HIVEP3: variants seen among roughly 807,000 people sequenced by gnomAD.
HIVEP3 encodes the protein transcription factor HIVEP3.
A neutral mutation model predicts 152.8 loss-of-function variants in HIVEP3; 49 were observed. That is an observed-to-expected ratio of 0.32 (90% CI 0.26 to 0.41). HIVEP3 has a LOEUF of 0.41. Among genes scored for constraint, HIVEP3 ranks in the 10% least tolerant of loss-of-function variants. The probability of loss-of-function intolerance (pLI) is 1.00; values close to 1 mark genes in which losing one functional copy is unlikely to be tolerated. For missense variants in HIVEP3, 2,790 were observed against 3,103.3 expected (o/e 0.90, Z 2.40); for synonymous variants, 1,269 against 1,289.0 (o/e 0.98, Z 0.33).
At chr1:41,772,799 A>G (rs1328357922) in intron 1 of HIVEP3, among the ~76,000 whole-genome samples, 1 of 152,132 alleles carries the variant, frequency 6.6e-6, no homozygotes, top group African/African-American at 2.4e-5. Context: ...AATCCCAGCT[A>G]CTCAGGAGGC....
At chr1:41,561,514 T>C (rs1216845933) in intron 5 of HIVEP3, among the ~76,000 whole-genome samples, 1 of 142,414 alleles carries the variant, frequency 7.0e-6, no homozygotes. Flanking sequence ...ACAATCCATA[T>C]GTCACTTTTT....
intron 2 of HIVEP3, among the ~76,000 whole-genome samples, chr1:41,669,649 A>G (rs771940449): frequency 6.6e-6 from 1 of 152,134 alleles, no homozygotes; most frequent in African/African-American, 2.4e-5. Flanking sequence ...AGAATGAAAC[A>G]TCGGCTCTTC....
chr1:41,738,148 C>T (rs970509740), intron 1 of HIVEP3, among the ~76,000 whole-genome samples: 1 of 152,198 alleles, frequency 6.6e-6, no homozygotes, highest in Admixed American at 6.5e-5. Flanking sequence ...AGGGACACCC[C>T]ATGTGGAGAA....
intron 1 of HIVEP3, among the ~76,000 whole-genome samples, chr1:41,752,626 T>C (rs905290514): frequency 6.6e-6 from 1 of 152,022 alleles, no homozygotes; most frequent in Non-Finnish European, 1.5e-5. Context: ...TCTGGGAACT[T>C]GTTAAAAATG....
chr1:41,995,410 G>A (rs999287382), intron 1 of HIVEP3, among the ~76,000 whole-genome samples: 4 of 152,146 alleles, frequency 2.6e-5, no homozygotes, highest in Non-Finnish European at 4.4e-5. Flanking sequence ...TATTATCAGT[G>A]AAAGCATCTT....
At chr1:41,688,300 T>C (rs1355417324) in intron 2 of HIVEP3, among the ~76,000 whole-genome samples, 1 of 152,270 alleles carries the variant, frequency 6.6e-6, no homozygotes, top group Non-Finnish European at 1.5e-5. Flanking sequence ...CTTCCCTGTC[T>C]TTCTCAGGGT....
At chr1:41,817,070 A>C (rs762190658) in intron 1 of HIVEP3, among the ~76,000 whole-genome samples, 17 of 152,362 alleles carry the variant, frequency 1.1e-4, no homozygotes, top group Admixed American at 4.6e-4. Flanking sequence ...AGCAGGGATT[A>C]CATCACTCAC....
chr1:41,742,375 C>T (rs1020953140), intron 1 of HIVEP3, among the ~76,000 whole-genome samples: 2 of 152,220 alleles, frequency 1.3e-5, no homozygotes, highest in African/African-American at 4.8e-5. Flanking sequence ...CTTCCGCATA[C>T]TCTGCTGCTG....
At chr1:41,589,535 G>T (rs549180555) in intron 3 of HIVEP3, among the ~76,000 whole-genome samples, 1 of 152,210 alleles carries the variant, frequency 6.6e-6, no homozygotes, top group Non-Finnish European at 1.5e-5. Context: ...TATCGAAGGC[G>T]TCAGGACAAC....
chr1:41,676,017 C>A (rs1281560355), intron 2 of HIVEP3, among the ~76,000 whole-genome samples: 1 of 152,132 alleles, frequency 6.6e-6, no homozygotes, highest in Non-Finnish European at 1.5e-5. Context: ...CCCCGCTTCC[C>A]CTCGACCAGC....
At position 41,680,731 on chromosome 1, in the gene HIVEP3, C is replaced by A. The variant is rs543889482; in HGVS notation, c.-721+20185G>T. On this transcript the variant is annotated intron_variant, in intron 2 of 8. Coordinates refer to ENST00000372583, the MANE Select transcript of HIVEP3 (RefSeq NM_024503.5). ...CAGATGAAGCAGCTCTGGCGATCTG[C>A]CGCACAATGTTGTATTAATACCTGT... is the stretch of plus-strand genomic sequence containing the variant. Among the ~76,000 whole-genome samples, 3 of 152,330 alleles carry A rather than the reference C, an allele frequency of 2.0e-5. No homozygotes were observed. In the South Asian group the frequency reaches 6.2e-4, roughly 32 times the overall value.
rs149674414 is a variant in HIVEP3 at position 41,575,659 on chromosome 1, C to T, written c.5092G>A (p.Gly1698Ser). 1.7e-4 allele frequency: 272 copies of T among 1,614,052 alleles called. No homozygotes were observed. The highest frequency in any genetic ancestry group is 2.2e-4 in the Non-Finnish European group (263 of 1,180,040). Residue 1698 changes from glycine (G) to serine (S), a missense_variant, in exon 5 of 9, where the codon GGC becomes AGC. Around this residue, in one of 9 missense-constraint regions of HIVEP3, gnomAD observed 1,078 missense variants for 1,165.3 expected, o/e 0.93. Transcript: ENST00000372583. ...VHLPSLVSPEGQKDLARVEKE... is the reference protein window; with the variant it reads ...VHLPSLVSPESQKDLARVEKE... ...TCCACTCTAGCTAGATCTTTCTGGCCTTCCGGGGAAACCAGTGAAGGGAGG... is the reference window on the plus strand; with the variant it reads ...TCCACTCTAGCTAGATCTTTCTGGCTTTCCGGGGAAACCAGTGAAGGGAGG...
chr1:41,935,279 A>G (rs1645014143), intron 1 of HIVEP3, among the ~76,000 whole-genome samples: 1 of 152,188 alleles, frequency 6.6e-6, no homozygotes, highest in Non-Finnish European at 1.5e-5. Flanking sequence ...GAATTAACAT[A>G]TGTTAGAACT....
In HIVEP3 at chr1:41,507,417, G is replaced by A. The variant is rs926951378; in HGVS notation, c.*3034C>T. ...CCCAGGATGGCCCTGAGATTGCCAAGGGTGAAAGGCATCGTGGAGCGCAGG... is the reference window on the plus strand; with the variant it reads ...CCCAGGATGGCCCTGAGATTGCCAAAGGTGAAAGGCATCGTGGAGCGCAGG... On this transcript the variant is annotated 3_prime_UTR_variant, in exon 9 of 9. Coordinates refer to ENST00000372583, the MANE Select transcript of HIVEP3 (RefSeq NM_024503.5). 6.6e-6 allele frequency: 1 copy of A among 152,318 alleles called. No individual in the cohort carries two copies. The highest frequency in any genetic ancestry group is 1.5e-5 in the Non-Finnish European group (1 of 68,128). 9.4% of individuals were successfully genotyped at this position (152,318 alleles called of 1,614,324 possible). A position where few individuals can be genotyped will look rare whatever the true frequency, so the allele number is the denominator to read the frequency against.
intron 1 of HIVEP3, among the ~76,000 whole-genome samples, chr1:41,702,663 T>C (rs1019028246): frequency 6.6e-6 from 1 of 152,238 alleles, no homozygotes; most frequent in African/African-American, 2.4e-5. Flanking sequence ...CAATTTCTCC[T>C]CCTGGCCTGT....
intron 1 of HIVEP3, among the ~76,000 whole-genome samples, chr1:41,917,848 G>A (rs1238553342): frequency 1.3e-5 from 2 of 151,958 alleles, no homozygotes; most frequent in Non-Finnish European, 2.9e-5. Context: ...GATTAAGGGG[G>A]AAAAAGAAAG....
intron 2 of HIVEP3, among the ~76,000 whole-genome samples, chr1:41,678,460 A>C (rs1011825560): frequency 1.3e-4 from 20 of 149,964 alleles, no homozygotes; most frequent in African/African-American, 4.3e-4. Flanking sequence ...GCTCTAGGCC[A>C]GGGGCTTGGA....
rs574763879 is a variant in HIVEP3 at position 41,632,862 on chromosome 1, G to C, written c.-720-3915C>G. ...ATGGTGTCCACATGGCTGGAGGTGA[G>C]GGGCAGCGACAGTGGGAGGTGCTGT... On this transcript the variant is annotated intron_variant, in intron 2 of 8. Transcript: ENST00000372583. Among the ~76,000 whole-genome samples, 3 of 152,310 alleles carry C rather than the reference G, an allele frequency of 2.0e-5. No homozygotes were observed. The South Asian group carries it at 6.2e-4, about 32-fold the overall frequency.
At chr1:41,977,952 T>G (rs1645269651) in intron 1 of HIVEP3, among the ~76,000 whole-genome samples, 1 of 152,204 alleles carries the variant, frequency 6.6e-6, no homozygotes, top group South Asian at 2.1e-4. Context: ...TCAAACAATT[T>G]CATGTCAAGT....
Sources: gnomAD v4.1 joint callset for allele counts (sites outside exome capture counted in the v4.1 genomes callset) on GRCh38, gnomAD v4.1.1 for gene constraint, gnomAD v4.1.1 regional missense constraint, MANE v1.5 for transcripts, NCBI Gene and HGNC (gene_info 2026-07-23, HGNC 2026-07-21) for gene names.